Variants in BTBD16 observed in about 807,000 individuals in gnomAD.
BTBD16 encodes BTB domain containing 16.
Under a neutral mutation model 67.4 loss-of-function variants are expected in BTBD16, and 66 were observed. The observed-to-expected ratio is 0.98, with a 90% confidence interval of 0.80 to 1.20. BTBD16 has a LOEUF of 1.20. BTBD16 is among the 50% of genes most tolerant of loss of function. The probability of loss-of-function intolerance (pLI) is 0.00; values close to 1 mark genes in which losing one functional copy is unlikely to be tolerated. For missense variants in BTBD16, 634 were observed against 616.0 expected, an observed-to-expected ratio of 1.03 and a Z score of -0.31; for synonymous variants, 242 against 236.4, an observed-to-expected ratio of 1.02 and a Z score of -0.22.
At chr10:122,307,400 A>G in intron 10 of BTBD16, 92 bp downstream of exon 10, 1 of 1,308,220 alleles carries the variant, frequency 7.6e-7, no homozygotes, top group Non-Finnish European at 1.0e-6. Context: ...CATCAGTGAT[A>G]TAATTTTTCA....
At chr10:122,305,435 G>T (rs764839799) in intron 9 of BTBD16, among the ~76,000 whole-genome samples, 3 of 152,166 alleles carry the variant, frequency 2.0e-5, no homozygotes, top group Non-Finnish European at 2.9e-5. Flanking sequence ...GATAGTGAGT[G>T]AGTTCCCTTG....
At position 122,299,016 on chromosome 10, in the gene BTBD16, CA is replaced by C. The variant is rs868600906; in HGVS notation, c.674del (p.Gln225ArgfsTer12). ...TTTTTTGTCTTAGTACAAGGAAGAG[CA>C]GCTCACCACCGGCTGCGAGAAGTGG... ...YEAGCKYKEEQLTTGCEKWLE... is the reference protein window; with the variant it reads ...YEAGCKYKEEXLTTGCEKWLE... On this transcript the variant is annotated frameshift_variant, in exon 9 of 16. Transcript: ENST00000260723. LOFTEE classifies it high-confidence loss of function. The C allele has an allele frequency of 4.6e-5, 74 of 1,613,714 alleles. No individual in the cohort carries two copies. Among genetic ancestry groups the C allele is most frequent in the Non-Finnish European group, 5.9e-5 (70 of 1,179,968 alleles).
At chr10:122,289,773 C>T in intron 5 of BTBD16, 136 bp from the exon 6 acceptor site, 1 of 529,744 alleles carries the variant, frequency 1.9e-6, no homozygotes, top group East Asian at 3.2e-5. Flanking sequence ...TAATTAATTA[C>T]ATCTATGAAA....
chr10:122,320,994 C>T (rs1450727456), intron 10 of BTBD16, among the ~76,000 whole-genome samples: 4 of 152,010 alleles, frequency 2.6e-5, no homozygotes, highest in Admixed American at 2.6e-4. Flanking sequence ...GTTTTCCAGC[C>T]TTTGTCTCCC....
chr10:122,286,947 GC>G (rs1335297033), intron 5 of BTBD16, among the ~76,000 whole-genome samples: 3 of 152,100 alleles, frequency 2.0e-5, no homozygotes, highest in Non-Finnish European at 2.9e-5. Context: ...AAAATTCGAG[GC>G]CCCCAAAGCC....
chr10:122,276,526 C>A (rs1013880374), intron 2 of BTBD16, among the ~76,000 whole-genome samples: 2 of 152,220 alleles, frequency 1.3e-5, no homozygotes, highest in African/African-American at 4.8e-5. Context: ...CTGCAAAAAA[C>A]AGTCTTTCTC....
chr10:122,295,388 A>G (rs992400536), intron 7 of BTBD16: 9 of 985,312 alleles, frequency 9.1e-6, no homozygotes, highest in Non-Finnish European at 1.1e-5. Flanking sequence ...TGCAATGGCC[A>G]GAGGTTTGGA....
chr10:122,284,461 A>G (rs1486630128), intron 4 of BTBD16, among the ~76,000 whole-genome samples: 2 of 147,442 alleles, frequency 1.4e-5, no homozygotes, highest in East Asian at 2.1e-4. Flanking sequence ...AAAAAAAAAA[A>G]GTAGTCTTTG....
chr10:122,275,605 A>C (rs1459021333), intron 2 of BTBD16, among the ~76,000 whole-genome samples: 1 of 152,102 alleles, frequency 6.6e-6, no homozygotes, highest in Non-Finnish European at 1.5e-5. Flanking sequence ...TAGAAAGTAA[A>C]ATTTGAACTC....
intron 10 of BTBD16, among the ~76,000 whole-genome samples, chr10:122,310,812 C>T (rs2096412479): frequency 6.6e-6 from 1 of 152,202 alleles, no homozygotes; most frequent in African/African-American, 2.4e-5. Context: ...CTGCACTTCC[C>T]TAACATGTCA....
intron 10 of BTBD16, among the ~76,000 whole-genome samples, chr10:122,320,789 A>G (rs1346505266): frequency 6.6e-6 from 1 of 152,200 alleles, no homozygotes; most frequent in Non-Finnish European, 1.5e-5. Flanking sequence ...TATGGCTCAC[A>G]ATATGATCTC....
chr10:122,291,431 A>G, intron 7 of BTBD16: 1 of 433,264 alleles, frequency 2.3e-6, no homozygotes, highest in South Asian at 5.2e-5. Flanking sequence ...CACAGGAATG[A>G]AATGCAAATG....
In BTBD16 at chr10:122,327,511, G is replaced by A. The variant is rs1387168167; in HGVS notation, c.912-1969G>A. Reference sequence around the variant, plus strand: ...TTGACAGAGGAGAGTGAAGCTCTGAGAGGCCCGGTCACAGGACTGTGGCTG... The same window carrying A: ...TTGACAGAGGAGAGTGAAGCTCTGAAAGGCCCGGTCACAGGACTGTGGCTG... On this transcript the variant is annotated intron_variant, in intron 10 of 15. Transcript: ENST00000260723. 4.8e-6 allele frequency: 4 copies of A among 831,304 alleles called. No individual in the cohort carries two copies. In the African/African-American group the frequency reaches 7.4e-5, roughly 15 times the overall value. 51.5% of individuals were successfully genotyped at this position (831,304 alleles called of 1,614,324 possible).
In BTBD16 at chr10:122,334,904, G is replaced by A. The variant is rs754777467; in HGVS notation, c.1188G>A (p.Thr396=). Residue 396 remains threonine, a synonymous_variant, in exon 14 of 16, where the codon ACG becomes ACA. Coordinates refer to ENST00000260723, the MANE Select transcript of BTBD16 (RefSeq NM_144587.5). ...AGGAGAATACAACTTATTCGAAAAC[G>A]ATTGCTCTATATGGATTCTTCTTTA... is the stretch of plus-strand genomic sequence containing the variant. ...FNQENTTYSK[T]IALYGFFFKI... 5.9e-5 allele frequency: 92 copies of A among 1,568,626 alleles called. No individual in the cohort carries two copies. In the South Asian group the frequency reaches 7.7e-4, roughly 13 times the overall value.
At position 122,271,462 on chromosome 10, in the gene BTBD16, C is replaced by T. The variant is rs895438115; in HGVS notation, c.-95C>T. ...CCAGTGTGATGGGAGTTCCTCCACT[C>T]AGCACACTTCCCCTGTAAACACGCC... On this transcript the variant is annotated 5_prime_UTR_variant, in exon 1 of 16. Transcript: ENST00000260723. 1.3e-5 allele frequency: 2 copies of T among 152,314 alleles called. No individual in the cohort carries two copies. The highest frequency in any genetic ancestry group is 2.9e-5 in the Non-Finnish European group (2 of 68,100). The allele number at this position is 152,314 out of a possible 1,614,324, so 9.4% of individuals were successfully genotyped here. A position where few individuals can be genotyped will look rare whatever the true frequency, so the allele number is the denominator to read the frequency against.
At chr10:122,296,851 C>CA (rs1298165916) in intron 7 of BTBD16, among the ~76,000 whole-genome samples, 49 of 152,194 alleles carry the variant, frequency 3.2e-4, no homozygotes, top group Admixed American at 3.2e-3. Flanking sequence ...AGAGAGGGGA[C>CA]AGTGTGGAGC....
chr10:122,284,273 A>AC (rs1249519344), intron 4 of BTBD16, among the ~76,000 whole-genome samples: 2 of 152,038 alleles, frequency 1.3e-5, no homozygotes, highest in African/African-American at 4.8e-5. Context: ...ACATGGTGAA[A>AC]CCCCGTCTCT....
chr10:122,277,842 A>G (rs2096344202), intron 3 of BTBD16, among the ~76,000 whole-genome samples: 1 of 152,196 alleles, frequency 6.6e-6, no homozygotes. Context: ...GGAAACAAAC[A>G]TGTAATTTGT....
chr10:122,304,832 T>C (rs1428609198), intron 9 of BTBD16, among the ~76,000 whole-genome samples: 3 of 152,116 alleles, frequency 2.0e-5, no homozygotes, highest in African/African-American at 2.4e-5. Context: ...GGATTACAGG[T>C]GTGAGCCACT....
Sources: allele counts gnomAD v4.1 joint callset (sites outside exome capture counted in the v4.1 genomes callset), GRCh38; gene constraint gnomAD v4.1.1; transcripts MANE v1.5; gene names NCBI Gene and HGNC (gene_info 2026-07-23, HGNC 2026-07-21).